COL25A1: variants seen among roughly 807,000 people sequenced by gnomAD.
COL25A1 encodes the protein collagen type XXV alpha 1 chain.
Under a neutral mutation model 128.4 loss-of-function variants are expected in COL25A1, and 103 were observed. The observed-to-expected ratio is 0.80, with a 90% CI of 0.68 to 0.94. The LOEUF is 0.94. Among genes scored for constraint, COL25A1 ranks in the 40% least tolerant of loss-of-function variants. The pLI is 0.00. For synonymous variants in COL25A1, 279 were observed against 277.2 expected, an observed-to-expected ratio of 1.01 and a Z score of -0.06; for missense variants, 745 against 840.0, an observed-to-expected ratio of 0.89 and a Z score of 1.40.
chr4:109,153,806 G>T (rs1303004532), intron 3 of COL25A1, among the ~76,000 whole-genome samples: 2 of 152,100 alleles, frequency 1.3e-5, no homozygotes, highest in Non-Finnish European at 2.9e-5. Context: ...GTGTCTTATT[G>T]TGTACCAAAC....
chr4:109,009,164 T>G (rs372284988), intron 6 of COL25A1, among the ~76,000 whole-genome samples: 7 of 152,150 alleles, frequency 4.6e-5, no homozygotes, highest in East Asian at 3.8e-4. Flanking sequence ...AAAGAAACTA[T>G]GCGAAGCATC....
chr4:108,871,931 T>A (rs1258273269), intron 19 of COL25A1, among the ~76,000 whole-genome samples: 2 of 152,196 alleles, frequency 1.3e-5, no homozygotes, highest in Non-Finnish European at 2.9e-5. Flanking sequence ...TGTTGACTCA[T>A]GGTGTTCAGC....
At chr4:109,254,481 A>ATATATGTATGTGTG (rs1181842858) in intron 3 of COL25A1, among the ~76,000 whole-genome samples, 1 of 96,156 alleles carries the variant, frequency 1.0e-5, no homozygotes, top group Non-Finnish European at 1.8e-5. Context: ...ATATATATAT[A>ATATATGTATGTGTG]TATATATATA....
chr4:108,977,196 C>A (rs915427623), intron 6 of COL25A1, among the ~76,000 whole-genome samples: 1 of 152,062 alleles, frequency 6.6e-6, no homozygotes, highest in Admixed American at 6.5e-5. Context: ...CTAGTCCCAG[C>A]GTCTCAAGTT....
intron 6 of COL25A1, among the ~76,000 whole-genome samples, chr4:108,978,812 C>T (rs1043860965): frequency 6.6e-6 from 1 of 152,116 alleles, no homozygotes. Flanking sequence ...AATTAGCAGT[C>T]ATAGGGAAGT....
chr4:108,938,532 G>A (rs1347693197), intron 10 of COL25A1, among the ~76,000 whole-genome samples: 5 of 152,026 alleles, frequency 3.3e-5, no homozygotes, highest in South Asian at 2.1e-4. Flanking sequence ...GTGCTATGAC[G>A]GCGTCTGTGA....
chr4:109,033,953 T>C (rs1759103370), intron 5 of COL25A1, among the ~76,000 whole-genome samples: 2 of 152,168 alleles, frequency 1.3e-5, no homozygotes, highest in African/African-American at 2.4e-5. Flanking sequence ...CTCAATTGTA[T>C]TGACACTTAA....
chr4:108,854,544 G>A (rs939007089), intron 24 of COL25A1, among the ~76,000 whole-genome samples: 7 of 152,114 alleles, frequency 4.6e-5, no homozygotes, highest in African/African-American at 1.7e-4. Flanking sequence ...ATTGAAAAGT[G>A]GGCAAAGGAT....
intron 19 of COL25A1, among the ~76,000 whole-genome samples, chr4:108,881,469 A>C (rs1309745359): frequency 6.6e-6 from 1 of 152,232 alleles, no homozygotes. Context: ...AGCAACAGGA[A>C]GCATTTCCAA....
chr4:109,270,317 A>C (rs1316401368), intron 3 of COL25A1, among the ~76,000 whole-genome samples: 1 of 152,226 alleles, frequency 6.6e-6, no homozygotes, highest in African/African-American at 2.4e-5. Flanking sequence ...ATATCTAGAA[A>C]AACCCATTGT....
At chr4:109,097,727 G>A (rs1356633377) in intron 3 of COL25A1, among the ~76,000 whole-genome samples, 3 of 147,006 alleles carry the variant, frequency 2.0e-5, no homozygotes, top group African/African-American at 7.6e-5. Flanking sequence ...GCAGTGGCGC[G>A]ATCTTGGCTC....
intron 3 of COL25A1, among the ~76,000 whole-genome samples, chr4:109,248,775 A>AT (rs1198120161): frequency 1.3e-5 from 2 of 152,138 alleles, no homozygotes; most frequent in Non-Finnish European, 2.9e-5. Context: ...CAGCTGCACC[A>AT]TTTTTCAGGG....
intron 8 of COL25A1, among the ~76,000 whole-genome samples, chr4:108,944,762 G>A (rs1481096999): frequency 2.0e-5 from 3 of 151,826 alleles, no homozygotes; most frequent in African/African-American, 4.8e-5. Context: ...GATCTAAAGA[G>A]AGAATTGGAT....
intron 32 of COL25A1, 121 bp from the exon 33 acceptor site, chr4:108,827,309 A>G: frequency 2.4e-6 from 2 of 842,380 alleles, no homozygotes. Flanking sequence ...TCAAAGATTT[A>G]GCCTCTTGCA....
At chr4:109,223,500 G>A (rs1459618740) in intron 3 of COL25A1, among the ~76,000 whole-genome samples, 2 of 151,968 alleles carry the variant, frequency 1.3e-5, no homozygotes, top group African/African-American at 2.4e-5. Flanking sequence ...AATTAGTTGG[G>A]GACAGCTGCT....
At chr4:108,839,204 T>A (rs115555677) in intron 31 of COL25A1, among the ~76,000 whole-genome samples, 1,820 of 152,244 alleles carry the variant, frequency 0.012, 40 homozygotes, top group African/African-American at 0.04. Context: ...CCCCACCCAG[T>A]CCATGGTAAC....
chr4:108,884,256 A>C, intron 18 of COL25A1, 34 bp from the exon 19 acceptor site: 1 of 1,571,664 alleles, frequency 6.4e-7, no homozygotes, highest in Non-Finnish European at 8.8e-7. Context: ...TTATAGAATG[A>C]TATTCACTCA....
chr4:109,261,798 C>T (rs1269476495), intron 3 of COL25A1, among the ~76,000 whole-genome samples: 2 of 150,928 alleles, frequency 1.3e-5, no homozygotes, highest in Admixed American at 6.6e-5. Context: ...CCCAGGTTCA[C>T]GCCATTCTCC....
intron 27 of COL25A1, 151 bp from the exon 28 acceptor site, chr4:108,846,370 T>A (rs1735101001): frequency 1.6e-6 from 1 of 625,732 alleles, no homozygotes; most frequent in Non-Finnish European, 2.9e-6. Context: ...AGTTATTTCT[T>A]ACAGCAACCT....
Sources: gnomAD v4.1 joint callset for allele counts (sites outside exome capture counted in the v4.1 genomes callset) on GRCh38, gnomAD v4.1.1 for gene constraint, MANE v1.5 for transcripts, NCBI Gene and HGNC (gene_info 2026-07-23, HGNC 2026-07-21) for gene names.